Variants in PLEKHM2 observed in about 807,000 individuals in gnomAD.
The protein encoded by PLEKHM2 is pleckstrin homology and RUN domain containing M2.
A neutral mutation model predicts 116.3 loss-of-function variants in PLEKHM2; 77 were observed. The ratio of observed to expected loss-of-function variants is 0.66; its 90% CI spans 0.55 to 0.80. The LOEUF (loss-of-function observed/expected upper bound fraction) is 0.80, where lower values mean the gene tolerates loss of function less well. Ranked by LOEUF, PLEKHM2 falls within the 30% of genes least tolerant of loss-of-function variation. The pLI is 0.00. For missense variants in PLEKHM2, 1,183 were observed against 1,354.9 expected, an observed-to-expected ratio of 0.87 and a Z score of 1.99; for synonymous variants, 562 against 571.0, an observed-to-expected ratio of 0.98 and a Z score of 0.22.
At chr1:15,726,317 C>T (rs573845884) in intron 8 of PLEKHM2, among the ~76,000 whole-genome samples, 10 of 152,308 alleles carry the variant, frequency 6.6e-5, no homozygotes, top group Non-Finnish European at 1.0e-4. Flanking sequence ...AGAGCCTCCC[C>T]GGCTCCCTGA....
At position 15,717,972 on chromosome 1, in the gene PLEKHM2, G is replaced by C. The variant is rs201114976; in HGVS notation, c.357G>C (p.Leu119=). 2,320 of 1,593,172 alleles carry C rather than the reference G, an allele frequency of 1.5e-3. 3 individuals are homozygous for C. Among genetic ancestry groups the C allele is most frequent in the Middle Eastern group, 2.0e-3 (12 of 6,040 alleles). The change falls in exon 4 of 20, where the codon CTG becomes CTC. Residue 119 remains leucine (L), a synonymous_variant. Transcript: ENST00000375799. ...GGTTGTTCCAGGAGAACCTGGGCCTGCTGCATAAGTACTACGTCAAGTGAG... is the reference window on the plus strand; with the variant it reads ...GGTTGTTCCAGGAGAACCTGGGCCTCCTGCATAAGTACTACGTCAAGTGAG... ...YLRLFQENLG[L]LHKYYVKNAL... is the part of the protein sequence containing the mutation.
intron 1 of PLEKHM2, 139 bp from the exon 2 acceptor site, chr1:15,716,098 G>A (rs1641437501): frequency 3.3e-6 from 2 of 604,186 alleles, no homozygotes; most frequent in Admixed American, 2.7e-5. Context: ...GGACAGGGGT[G>A]GTTTGAGGTA....
intron 2 of PLEKHM2, 140 bp from the exon 3 acceptor site, chr1:15,716,567 G>A: frequency 3.9e-6 from 3 of 769,084 alleles, no homozygotes; most frequent in Non-Finnish European, 4.3e-6. Context: ...TGATATGATG[G>A]TGTGAAGGTG....
chr1:15,731,809 C>T (rs2068146396), intron 16 of PLEKHM2, 80 bp from the exon 17 acceptor site: 9 of 1,284,008 alleles, frequency 7.0e-6, no homozygotes, highest in Non-Finnish European at 6.5e-6. Context: ...GTGCCGCACA[C>T]CCCGCACCAA....
intron 1 of PLEKHM2, among the ~76,000 whole-genome samples, chr1:15,710,787 G>T (rs12760450): frequency 4.2e-4 from 64 of 152,192 alleles, no homozygotes; most frequent in Non-Finnish European, 7.1e-4. Context: ...TTACATCACA[G>T]ATCAGCCAGG....
upstream of PLEKHM2, chr1:15,681,563 CA>C (rs1640642979): frequency 6.3e-6 from 3 of 478,594 alleles, no homozygotes; most frequent in Admixed American, 6.7e-5. Flanking sequence ...AGAAGAATCC[CA>C]AAGCTTGTTG....
Position 15,731,925 on chromosome 1 carries a change from C to T in PLEKHM2, c.2502C>T (p.Thr834=). 6.2e-7 allele frequency: 1 copy of T among 1,611,444 alleles called. No homozygotes were observed. Residue 834 remains threonine, a synonymous_variant, in exon 17 of 20, where the codon ACC becomes ACT. Coordinates refer to ENST00000375799, the MANE Select transcript of PLEKHM2 (RefSeq NM_015164.4). The part of the protein sequence containing the change: ...EQCGGCRRAN[T]TDRPHAFQVI... Reference sequence around the variant, plus strand: ...GCGGTGGCTGCCGGAGAGCCAACACCACGGATCGGCCCCACGCCTTCCAGG... The same window carrying T: ...GCGGTGGCTGCCGGAGAGCCAACACTACGGATCGGCCCCACGCCTTCCAGG...
chr1:15,732,211 T>G, intron 17 of PLEKHM2, 139 bp from the exon 18 acceptor site: 2 of 924,238 alleles, frequency 2.2e-6, no homozygotes, highest in Non-Finnish European at 1.6e-6. Context: ...ATCACCCCCA[T>G]CCCCGCCTCT....
chr1:15,732,279 C>G, intron 17 of PLEKHM2, 71 bp from the exon 18 acceptor site: 1 of 1,315,896 alleles, frequency 7.6e-7, no homozygotes, highest in Non-Finnish European at 1.1e-6. Context: ...GGCTGGTCCC[C>G]TGGAGTGTGG....
At chr1:15,686,472 T>C (rs1192305411) in intron 1 of PLEKHM2, among the ~76,000 whole-genome samples, 1 of 151,274 alleles carries the variant, frequency 6.6e-6, no homozygotes, top group Non-Finnish European at 1.5e-5. Context: ...TGTTTTTTTG[T>C]TGTTGTTGTT....
chr1:15,731,292 GC>G, intron 16 of PLEKHM2, 35 bp downstream of exon 16: 1 of 1,463,740 alleles, frequency 6.8e-7, no homozygotes. Context: ...GTATCCTGGG[GC>G]CCAGAGCTGC....
Position 15,727,416 on chromosome 1 carries a change from GC to G in PLEKHM2, c.1346del (p.Pro449ArgfsTer69). On this transcript the variant is annotated frameshift_variant, in exon 9 of 20. Transcript: ENST00000375799. LOFTEE classifies it high-confidence loss of function. This position sits in a 1 kb window ranked among gnomAD's most constrained non-coding sequence, Gnocchi z 7.5. ...GCTCTCCCGGGGATGCCCCGGAGAGGCCGCCGCTTTGCGACTTTAGTGAGGG... is the reference window on the plus strand; with the variant it reads ...GCTCTCCCGGGGATGCCCCGGAGAGGCGCCGCTTTGCGACTTTAGTGAGGG... ...TGSPGDAPER[P>X]PLCDFSEGLS... 1 of 1,605,594 alleles carries G rather than the reference GC, an allele frequency of 6.2e-7. No individual in the cohort carries two copies. The highest frequency in any genetic ancestry group is 1.7e-4 in the Middle Eastern group (1 of 6,048).
chr1:15,731,309 C>T (rs965971425), intron 16 of PLEKHM2, 52 bp downstream of exon 16: 3 of 1,386,362 alleles, frequency 2.2e-6, no homozygotes, highest in South Asian at 1.2e-5. Flanking sequence ...GCTGCCGTTT[C>T]CCTGGTTTGA....
rs1028484806 is a variant in PLEKHM2 at position 15,725,188 on chromosome 1, G to A, written c.713-129G>A. On this transcript the variant is annotated intron_variant, in intron 7 of 19. Coordinates refer to ENST00000375799, the MANE Select transcript of PLEKHM2 (RefSeq NM_015164.4). ...GGTTGTGGCTTCTACTCGAAATGGG[G>A]CCACCCCTGTCAGGTTTCCCTGGGA... 40 of 657,596 alleles carry A rather than the reference G, an allele frequency of 6.1e-5. No individual in the cohort carries two copies. The African/African-American group carries it at 6.7e-4, about 11-fold the overall frequency. The allele number at this position is 657,596 out of a possible 1,614,324, so 40.7% of individuals were successfully genotyped here. A position where few individuals can be genotyped will look rare whatever the true frequency, so the allele number is the denominator to read the frequency against.
intron 1 of PLEKHM2, among the ~76,000 whole-genome samples, chr1:15,694,574 T>C (rs1414524825): frequency 6.6e-6 from 1 of 152,004 alleles, no homozygotes; most frequent in Admixed American, 6.6e-5. Flanking sequence ...GAACTTCCAT[T>C]TGAGGCAGGT....
chr1:15,714,683 C>T (rs529437861), intron 1 of PLEKHM2, among the ~76,000 whole-genome samples: 5 of 152,320 alleles, frequency 3.3e-5, no homozygotes, highest in African/African-American at 1.2e-4. Flanking sequence ...GTTGATGTAT[C>T]TTGCCTGCTG....
In PLEKHM2 at chr1:15,727,842, C is replaced by G; in HGVS notation, c.1760+10C>G. 1 of 1,543,042 alleles carries G rather than the reference C, an allele frequency of 6.5e-7. No homozygotes were observed. Among genetic ancestry groups the G allele is most frequent in the African/African-American group, 1.4e-5 (1 of 73,512 alleles). On this transcript the variant is annotated intron_variant, in intron 9 of 19. Transcript: ENST00000375799. This position sits in a 1 kb window ranked among gnomAD's most constrained non-coding sequence, Gnocchi z 7.5. ...ATTCCTCGGAGTTCAGGTAACAAGA[C>G]TCTGCAGCTGGCATGGGACTCTCCC...
At chr1:15,693,008 G>A (rs1262744606) in intron 1 of PLEKHM2, among the ~76,000 whole-genome samples, 2 of 150,492 alleles carry the variant, frequency 1.3e-5, no homozygotes, top group African/African-American at 4.9e-5. Flanking sequence ...CAAAGTGCTG[G>A]GATTATAGGC....
At chr1:15,683,061 G>GGGATAA (rs1640679673), upstream of PLEKHM2, 1 of 152,318 alleles carries the variant, frequency 6.6e-6, no homozygotes, top group Admixed American at 6.6e-5. Flanking sequence ...CTGAAGAAGA[G>GGGATAA]GGATAAGGAT....
Sources: gnomAD v4.1 joint callset for allele counts (sites outside exome capture counted in the v4.1 genomes callset) on GRCh38, gnomAD v4.1.1 for gene constraint, Gnocchi (gnomAD v3.1) non-coding constraint, MANE v1.5 for transcripts, NCBI Gene and HGNC (gene_info 2026-07-23, HGNC 2026-07-21) for gene names.